The following KLHL1 variants were observed in gnomAD, a reference collection of about 807,000 sequenced individuals.
The protein encoded by KLHL1 is kelch-like protein 1.
KLHL1 carries 47 observed loss-of-function variants against 77.7 expected under a neutral mutation model. That is an observed-to-expected ratio of 0.60 (90% CI 0.48 to 0.77). KLHL1 has a LOEUF of 0.77. KLHL1 is among the 30% of genes least tolerant of loss of function. The pLI is 0.00. For synonymous variants in KLHL1, 360 were observed against 325.2 expected (o/e 1.11, Z -1.15); for missense variants, 925 against 910.8 (o/e 1.02, Z -0.20).
At chr13:69,914,939 G>C (rs769491912) in intron 4 of KLHL1, among the ~76,000 whole-genome samples, 2 of 152,058 alleles carry the variant, frequency 1.3e-5, no homozygotes, top group African/African-American at 4.8e-5. Flanking sequence ...TAATACAAGA[G>C]AAATACACAT....
chr13:69,909,480 A>G (rs2138240682), intron 4 of KLHL1, among the ~76,000 whole-genome samples: 1 of 152,208 alleles, frequency 6.6e-6, no homozygotes, highest in Non-Finnish European at 1.5e-5. Flanking sequence ...TTAAATCATT[A>G]TTGAGCAATC....
At chr13:69,751,544 G>A (rs1874480924) in intron 7 of KLHL1, among the ~76,000 whole-genome samples, 1 of 152,078 alleles carries the variant, frequency 6.6e-6, no homozygotes, top group African/African-American at 2.4e-5. Flanking sequence ...GTGATAAGAA[G>A]AATTAGAGTA....
chr13:69,780,698 ATATG>A (rs1246020144), intron 7 of KLHL1, among the ~76,000 whole-genome samples: 25 of 21,808 alleles, frequency 1.1e-3, no homozygotes, highest in South Asian at 3.7e-3. Flanking sequence ...ATATATATAT[ATATG>A]TATATATATA....
At chr13:69,822,000 C>T (rs983911574) in intron 6 of KLHL1, among the ~76,000 whole-genome samples, 1 of 152,080 alleles carries the variant, frequency 6.6e-6, no homozygotes, top group East Asian at 1.9e-4. Context: ...GAGTTTGAGA[C>T]CAGCCTGGCC....
At chr13:69,725,013 T>C (rs1378678801) in intron 8 of KLHL1, among the ~76,000 whole-genome samples, 1 of 152,158 alleles carries the variant, frequency 6.6e-6, no homozygotes, top group Admixed American at 6.6e-5. Flanking sequence ...GCACATGTGG[T>C]GGGTTTGTTT....
intron 7 of KLHL1, among the ~76,000 whole-genome samples, chr13:69,764,099 A>G (rs1346037062): frequency 6.6e-6 from 1 of 152,110 alleles, no homozygotes; most frequent in East Asian, 1.9e-4. Context: ...AAAATGGGGG[A>G]AATCGTTGAA....
chr13:70,056,661 A>G (rs943073194), intron 1 of KLHL1, among the ~76,000 whole-genome samples: 13 of 152,168 alleles, frequency 8.5e-5, no homozygotes, highest in Non-Finnish European at 1.6e-4. Context: ...AGAAATAAGT[A>G]ACAAGAGGTA....
chr13:69,882,454 G>A lies in KLHL1; in HGVS notation c.1056C>T (p.Leu352=), dbSNP rs774819407. ...GTTTATGGAGCTCCTCAGCTGGAAG[G>A]AGTAAAAACTCTTGATTTCTGATAA... ...MEVIRNQEFL[L]LPAEELHKLL... is the part of the protein sequence containing the mutation. The change falls in exon 5 of 11, where the codon CTC becomes CTT. Residue 352 remains leucine (L), a synonymous_variant. Coordinates refer to ENST00000377844, the MANE Select transcript of KLHL1 (RefSeq NM_020866.3). The A allele has an allele frequency of 1.9e-6, 3 of 1,613,642 alleles. No individual in the cohort carries two copies. Among genetic ancestry groups the A allele is most frequent in the Non-Finnish European group, 2.5e-6 (3 of 1,179,698 alleles).
At chr13:69,831,891 T>C (rs1279760109) in intron 6 of KLHL1, among the ~76,000 whole-genome samples, 1 of 149,922 alleles carries the variant, frequency 6.7e-6, no homozygotes, top group African/African-American at 2.5e-5. Flanking sequence ...TTTAACAAAA[T>C]CCAACATCCC....
At position 70,049,963 on chromosome 13, in the gene KLHL1, T is replaced by C. The variant is rs188839271; in HGVS notation, c.497+57240A>G. On this transcript the variant is annotated intron_variant, in intron 1 of 10. Transcript: ENST00000377844. The stretch of plus-strand genomic sequence containing the variant: ...TAAACTAGGAGAAAAAAATGAAAAA[T>C]GAATCAGACTAATAGATAATTTATA... Among the ~76,000 whole-genome samples the C allele has an allele frequency of 4.9e-3, 749 of 151,746 alleles. 5 individuals are homozygous for C. Among genetic ancestry groups the C allele is most frequent in the African/African-American group, 0.017 (694 of 41,424 alleles).
chr13:70,067,219 T>C (rs1758296392), intron 1 of KLHL1, among the ~76,000 whole-genome samples: 1 of 152,212 alleles, frequency 6.6e-6, no homozygotes. Context: ...AATTATACTT[T>C]GGAAAGAAAA....
chr13:69,748,423 A>T (rs1374208877), intron 7 of KLHL1, among the ~76,000 whole-genome samples: 1 of 152,062 alleles, frequency 6.6e-6, no homozygotes, highest in Non-Finnish European at 1.5e-5. Flanking sequence ...GCAAAAGCGG[A>T]ATCCCCTGAT....
At chr13:70,094,134 A>G (rs1352385752) in intron 1 of KLHL1, among the ~76,000 whole-genome samples, 2 of 152,008 alleles carry the variant, frequency 1.3e-5, no homozygotes, top group Non-Finnish European at 2.9e-5. Context: ...CTCTTATCAG[A>G]GGTGAAGAGT....
At chr13:69,748,511 T>C (rs1874320949) in intron 7 of KLHL1, among the ~76,000 whole-genome samples, 1 of 151,934 alleles carries the variant, frequency 6.6e-6, no homozygotes, top group African/African-American at 2.4e-5. Flanking sequence ...ATTCAAATTA[T>C]CTCCCCCTGG....
At chr13:70,078,871 T>A (rs1887325515) in intron 1 of KLHL1, among the ~76,000 whole-genome samples, 1 of 152,086 alleles carries the variant, frequency 6.6e-6, no homozygotes, top group African/African-American at 2.4e-5. Context: ...GCATGAAAAG[T>A]GAATATGTTG....
chr13:69,708,194 G>C (rs917053472), intron 9 of KLHL1, among the ~76,000 whole-genome samples: 1 of 152,034 alleles, frequency 6.6e-6, no homozygotes, highest in African/African-American at 2.4e-5. Context: ...ATACTCGACA[G>C]ATGAAGTTTC....
At chr13:69,780,725 TATATATACATATATATATAC>T (rs1566243950) in intron 7 of KLHL1, among the ~76,000 whole-genome samples, 51 of 56,748 alleles carry the variant, frequency 9.0e-4, no homozygotes, top group South Asian at 2.5e-3. Context: ...TGTATATATA[TATATATACATATATATATAC>T]ATATATATAT....
intron 1 of KLHL1, among the ~76,000 whole-genome samples, chr13:69,995,443 G>C (rs2137318486): frequency 6.6e-6 from 1 of 152,148 alleles, no homozygotes; most frequent in East Asian, 1.9e-4. Context: ...TCTGCATTGA[G>C]TCATCATGTA....
At chr13:70,020,286 A>G (rs1885757016) in intron 1 of KLHL1, among the ~76,000 whole-genome samples, 1 of 152,112 alleles carries the variant, frequency 6.6e-6, no homozygotes, top group Admixed American at 6.6e-5. Flanking sequence ...ATGGCATAAT[A>G]TTTTCCAGAA....
Sources: gnomAD v4.1 joint callset for allele counts (sites outside exome capture counted in the v4.1 genomes callset) on GRCh38, gnomAD v4.1.1 for gene constraint, MANE v1.5 for transcripts, NCBI Gene and HGNC (gene_info 2026-07-23, HGNC 2026-07-21) for gene names.